PCDH7: variants seen among roughly 807,000 people sequenced by gnomAD.
PCDH7 encodes the protein protocadherin-7.
PCDH7 carries 17 observed loss-of-function variants against 58.9 expected under a neutral mutation model. The observed-to-expected ratio is 0.29, with a 90% CI of 0.20 to 0.43. The LOEUF is 0.43. Among genes scored for constraint, PCDH7 ranks in the 20% least tolerant of loss-of-function variants. PCDH7 has a pLI of 1.00. For synonymous variants in PCDH7, 664 were observed against 616.4 expected (o/e 1.08, Z -1.14); for missense variants, 1,274 against 1,441.0 (o/e 0.88, Z 1.88).
chr4:31,006,965 G>A (rs1752817725), intron 3 of PCDH7, among the ~76,000 whole-genome samples: 2 of 151,564 alleles, frequency 1.3e-5, no homozygotes, highest in Non-Finnish European at 2.9e-5. Flanking sequence ...ATTACATATA[G>A]CTATTTTAAC....
Position 31,142,747 on chromosome 4 carries a change from C to A in PCDH7, c.*282C>A, listed in dbSNP as rs745933193. 7 of 1,367,322 alleles carry A rather than the reference C, an allele frequency of 5.1e-6. No individual in the cohort carries two copies. In the African/African-American group the frequency reaches 8.9e-5, roughly 17 times the overall value. The allele number at this position is 1,367,322 out of a possible 1,614,324, so 84.7% of individuals were successfully genotyped here. A position where few individuals can be genotyped will look rare whatever the true frequency, so the allele number is the denominator to read the frequency against. On this transcript the variant is annotated 3_prime_UTR_variant, in exon 4 of 4. Coordinates refer to the PCDH7 transcript ENST00000509759. ...AGACCTTCAGTGCAGCTAGTTTCAG[C>A]AAAAATGAGGAAGCCAACCCTGAGG...
intron 1 of PCDH7, among the ~76,000 whole-genome samples, chr4:30,793,693 G>A (rs2109300705): frequency 6.6e-6 from 1 of 152,248 alleles, no homozygotes; most frequent in East Asian, 1.9e-4. Flanking sequence ...TTGATGGTAT[G>A]AAAGACTTCC....
chr4:30,764,934 T>G (rs1467165836), intron 1 of PCDH7, among the ~76,000 whole-genome samples: 1 of 151,988 alleles, frequency 6.6e-6, no homozygotes, highest in African/African-American at 2.4e-5. Flanking sequence ...TTGGTCAGGA[T>G]GGTCTCTATC....
chr4:31,073,408 G>T (rs780922811), intron 3 of PCDH7, among the ~76,000 whole-genome samples: 15 of 152,098 alleles, frequency 9.9e-5, no homozygotes, highest in Admixed American at 2.6e-4. Flanking sequence ...TCATTACAAA[G>T]AACTGAAGAA....
At chr4:30,999,952 G>A (rs138789957) in intron 3 of PCDH7, among the ~76,000 whole-genome samples, 1 of 152,218 alleles carries the variant, frequency 6.6e-6, no homozygotes, top group African/African-American at 2.4e-5. Flanking sequence ...TAACCCTAGA[G>A]CAACAAACAT....
At chr4:30,773,887 T>C (rs986211672) in intron 1 of PCDH7, among the ~76,000 whole-genome samples, 2 of 152,060 alleles carry the variant, frequency 1.3e-5, no homozygotes, top group Non-Finnish European at 2.9e-5. Context: ...ACAAGCTAGA[T>C]GGGAGTGTGA....
intron 2 of PCDH7, among the ~76,000 whole-genome samples, chr4:30,933,239 A>T (rs1368032310): frequency 1.3e-5 from 2 of 151,910 alleles, no homozygotes; most frequent in Non-Finnish European, 2.9e-5. Context: ...GTTAGCCAGG[A>T]TGGTCTCGAT....
chr4:30,838,678 T>C (rs1730822703), intron 1 of PCDH7, among the ~76,000 whole-genome samples: 1 of 152,098 alleles, frequency 6.6e-6, no homozygotes, highest in Non-Finnish European at 1.5e-5. Context: ...TTTTTTTCTT[T>C]AGTGAAGATT....
chr4:30,734,561 T>A (rs113847652), downstream of PCDH7, among the ~76,000 whole-genome samples: 96 of 152,294 alleles, frequency 6.3e-4, no homozygotes, highest in African/African-American at 1.7e-3. Context: ...TAATACACAC[T>A]GAAAGGCTTT....
intron 3 of PCDH7, among the ~76,000 whole-genome samples, chr4:31,098,621 G>T (rs1560222838): frequency 6.6e-6 from 1 of 152,088 alleles, no homozygotes; most frequent in African/African-American, 2.4e-5. Flanking sequence ...GCAAAGTTTT[G>T]TAACTGTCAG....
chr4:30,893,892 G>C (rs1260005977), intron 1 of PCDH7, among the ~76,000 whole-genome samples: 1 of 152,104 alleles, frequency 6.6e-6, no homozygotes, highest in Admixed American at 6.6e-5. Context: ...TGTCTAGGGA[G>C]CAGTGAATGT....
chr4:30,741,784 A>G (rs1717114330), intron 1 of PCDH7, among the ~76,000 whole-genome samples: 2 of 152,248 alleles, frequency 1.3e-5, no homozygotes, highest in Admixed American at 1.3e-4. Flanking sequence ...GGATGGAACA[A>G]TCTGGCTCGA....
intron 1 of PCDH7, among the ~76,000 whole-genome samples, chr4:30,913,368 A>G (rs1356122869): frequency 6.6e-6 from 1 of 152,182 alleles, no homozygotes; most frequent in Non-Finnish European, 1.5e-5. Flanking sequence ...TTATAGTACA[A>G]TTTTGACTTC....
chr4:30,788,301 A>G (rs1723674157), intron 1 of PCDH7, among the ~76,000 whole-genome samples: 1 of 152,098 alleles, frequency 6.6e-6, no homozygotes, highest in Non-Finnish European at 1.5e-5. Flanking sequence ...TTGTGTAGTC[A>G]CCATGTGCCA....
intron 3 of PCDH7, among the ~76,000 whole-genome samples, chr4:30,973,994 T>C (rs1358670703): frequency 1.3e-5 from 2 of 151,900 alleles, no homozygotes; most frequent in Admixed American, 1.3e-4. Flanking sequence ...TGCTTGAGGG[T>C]GGGAAGTGTA....
rs1157581861 is a variant in PCDH7, at chr4:31,047,557, A to G, written c.*8-94916A>G. Among the ~76,000 whole-genome samples, 4 of 152,170 alleles carry G rather than the reference A, an allele frequency of 2.6e-5. No homozygotes were observed. The East Asian group carries it at 7.7e-4, about 29-fold the overall frequency. On this transcript the variant is annotated intron_variant, in intron 3 of 3. Transcript: ENST00000509759. ...CTCCCTTCTCAAAATTTACTTCTCA[A>G]AATGCACTCATTTGTATCTTAAGAG...
intron 1 of PCDH7, 28 bp from the exon 2 acceptor site, chr4:30,920,125 G>A (rs554358857): frequency 2.2e-6 from 3 of 1,353,332 alleles, no homozygotes; most frequent in East Asian, 9.2e-5. Context: ...TTACATCGTA[G>A]TGACATTCAG....
At position 30,722,788 on chromosome 4, in the gene PCDH7, G is replaced by T. The variant is rs774068480; in HGVS notation, c.1366G>T (p.Gly456Trp). Residue 456 changes from glycine to tryptophan, a missense_variant, in exon 1 of 2, where the codon GGG (glycine) becomes TGG (tryptophan). By Grantham distance (184) the Gly-to-Trp change is radical. Around this residue, in one of 3 missense-constraint regions of PCDH7, gnomAD observed 731 missense variants for 881.9 expected, o/e 0.83. Coordinates refer to ENST00000361762, the Ensembl canonical transcript of PCDH7. This position sits in a 1 kb window ranked among gnomAD's most constrained non-coding sequence, Gnocchi z 7.6. ...GTCCGACCGAGACCAAGGCGAGAAC[G>T]GGGTGGTCACCTGCACCGTGGTGGG... 6.2e-7 allele frequency: 1 copy of T among 1,613,612 alleles called. No homozygotes were observed. The highest frequency in any genetic ancestry group is 8.5e-7 in the Non-Finnish European group (1 of 1,180,040).
chr4:30,964,251 T>A (rs1578430507), intron 3 of PCDH7, among the ~76,000 whole-genome samples: 1 of 31,442 alleles, frequency 3.2e-5, no homozygotes, highest in Non-Finnish European at 6.2e-5. Context: ...TATTTATTTA[T>A]TTTTTTTTGA....
Sources: allele counts gnomAD v4.1 joint callset (sites outside exome capture counted in the v4.1 genomes callset), GRCh38; gene constraint gnomAD v4.1.1; regional missense constraint gnomAD v4.1.1; non-coding constraint Gnocchi (gnomAD v3.1); transcripts MANE v1.5; gene names NCBI Gene and HGNC (gene_info 2026-07-23, HGNC 2026-07-21).